BIRC2: variants seen among roughly 807,000 people sequenced by gnomAD.
BIRC2 encodes baculoviral IAP repeat containing 2, also known as baculoviral IAP repeat-containing protein 2.
BIRC2 carries 18 observed loss-of-function variants against 60.9 expected under a neutral mutation model. The ratio of observed to expected loss-of-function variants is 0.30; its 90% confidence interval spans 0.20 to 0.44. The LOEUF is 0.44. BIRC2 is among the 20% of genes least tolerant of loss of function. BIRC2 has a pLI of 1.00. For synonymous variants in BIRC2, 282 were observed against 247.7 expected (o/e 1.14, Z -1.30); for missense variants, 701 against 728.5 (o/e 0.96, Z 0.43).
In BIRC2 at chr11:102,348,486, TATC is replaced by T. The variant is rs573527588; in HGVS notation, c.-1257-111_-1257-109del. The T allele has an allele frequency of 8.1e-4, 130 of 160,982 alleles. No homozygotes were observed. In the South Asian group the frequency reaches 0.011, roughly 14 times the overall value. The allele number at this position is 160,982 out of a possible 1,614,324, so 10.0% of individuals were successfully genotyped here. A position where few individuals can be genotyped will look rare whatever the true frequency, so the allele number is the denominator to read the frequency against. On this transcript the variant is annotated intron_variant, in intron 1 of 8. Transcript: ENST00000227758. ...ACAAATTGCTGGAATTAAGATGTAT[TATC>T]TAAAGTGTGAATTATTCTTAGACTT... is the stretch of plus-strand genomic sequence containing the variant.
At chr11:102,353,444 G>A (rs762356429) in intron 3 of BIRC2, among the ~76,000 whole-genome samples, 2 of 151,836 alleles carry the variant, frequency 1.3e-5, no homozygotes, top group African/African-American at 2.4e-5. Flanking sequence ...TCAGCCCCCC[G>A]AGTAGCTGGA....
intron 6 of BIRC2, among the ~76,000 whole-genome samples, chr11:102,372,183 A>C (rs921594684): frequency 2.0e-5 from 3 of 151,792 alleles, no homozygotes; most frequent in African/African-American, 7.3e-5. Context: ...TTCTGCTCTG[A>C]TCTTAGTTAT....
intron 3 of BIRC2, among the ~76,000 whole-genome samples, chr11:102,357,797 TC>T (rs1176754805): frequency 2.6e-5 from 4 of 152,264 alleles, no homozygotes; most frequent in African/African-American, 4.8e-5. Flanking sequence ...GTTATTTCCT[TC>T]TGCTAACTTT....
chr11:102,364,462 G>A (rs1402361862), intron 5 of BIRC2, among the ~76,000 whole-genome samples: 2 of 152,116 alleles, frequency 1.3e-5, no homozygotes, highest in Non-Finnish European at 2.9e-5. Context: ...TGGACTAGAT[G>A]TTAGGTATTT....
chr11:102,372,765 GGT>G (rs1565338529), intron 6 of BIRC2, among the ~76,000 whole-genome samples: 31 of 124,976 alleles, frequency 2.5e-4, no homozygotes, highest in African/African-American at 9.4e-4. Context: ...TTGACAGTGG[GGT>G]GTTAAAGTCT....
In BIRC2 at chr11:102,350,008, A is replaced by G. The variant is rs1201603026; in HGVS notation, c.154A>G (p.Thr52Ala). 3 of 1,614,250 alleles carry G rather than the reference A, an allele frequency of 1.9e-6. No individual in the cohort carries two copies. Among genetic ancestry groups the G allele is most frequent in the Non-Finnish European group, 2.5e-6 (3 of 1,180,046 alleles). Residue 52 changes from threonine (T) to alanine (A), a missense_variant, in exon 2 of 9, where the codon ACA becomes GCA. This residue lies in a region of BIRC2 where 375 missense variants were observed against 365.9 expected (regional missense o/e 1.02). Transcript: ENST00000227758. ...DFSCELYRMSTYSTFPAGVPV... is the reference protein window; with the variant it reads ...DFSCELYRMSAYSTFPAGVPV... ...TTCCTGTGAACTCTACAGAATGTCTACATATTCAACTTTCCCCGCCGGGGT... is the reference window on the plus strand; with the variant it reads ...TTCCTGTGAACTCTACAGAATGTCTGCATATTCAACTTTCCCCGCCGGGGT...
chr11:102,351,381 G>T (rs111835367), intron 3 of BIRC2, among the ~76,000 whole-genome samples: 1 of 152,082 alleles, frequency 6.6e-6, no homozygotes, highest in East Asian at 1.9e-4. Flanking sequence ...TTGGGAGGCC[G>T]AGATAGGTGG....
intron 3 of BIRC2, among the ~76,000 whole-genome samples, chr11:102,358,813 T>A (rs1951452794): frequency 6.6e-6 from 1 of 152,218 alleles, no homozygotes; most frequent in Admixed American, 6.5e-5. Flanking sequence ...GGTTTCCATT[T>A]GCATGGAATA....
chr11:102,363,056 A>C, intron 4 of BIRC2, 82 bp downstream of exon 4: 1 of 1,116,710 alleles, frequency 9.0e-7, no homozygotes, highest in Non-Finnish European at 1.3e-6. Flanking sequence ...AAAAGTGATC[A>C]TGATTTTTGC....
rs532632806 is a variant in BIRC2, at chr11:102,378,321, T to C, written c.*138T>C. On this transcript the variant is annotated 3_prime_UTR_variant, in exon 9 of 9. Coordinates refer to ENST00000227758, the MANE Select transcript of BIRC2 (RefSeq NM_001166.5). ...ATGTTCTAGTCTGCTTTGGTACTAA[T>C]AATCTTGTTTCTGAAAAGATGGTAT... The C allele has an allele frequency of 4.9e-5, 31 of 638,736 alleles. No individual in the cohort carries two copies. In the East Asian group the frequency reaches 7.1e-4, roughly 15 times the overall value. 39.6% of individuals were successfully genotyped at this position (638,736 alleles called of 1,614,324 possible).
At chr11:102,357,263 C>T (rs531683222) in intron 3 of BIRC2, among the ~76,000 whole-genome samples, 22 of 151,550 alleles carry the variant, frequency 1.5e-4, no homozygotes, top group Middle Eastern at 6.8e-3. Flanking sequence ...TCCCTCCTTA[C>T]TCCCTCTTCC....
At chr11:102,377,156 T>C (rs1951724714) in intron 6 of BIRC2, among the ~76,000 whole-genome samples, 1 of 152,178 alleles carries the variant, frequency 6.6e-6, no homozygotes, top group Non-Finnish European at 1.5e-5. Context: ...GACAAATTAC[T>C]ATGAAAGTGC....
intron 3 of BIRC2, among the ~76,000 whole-genome samples, chr11:102,360,299 G>A (rs1258661367): frequency 1.3e-5 from 2 of 151,844 alleles, no homozygotes; most frequent in Non-Finnish European, 1.5e-5. Context: ...TGTTTTGCTT[G>A]ATGGTGTCCT....
intron 4 of BIRC2, 55 bp from the exon 5 acceptor site, chr11:102,363,613 T>C (rs1951509898): frequency 1.5e-6 from 2 of 1,373,150 alleles, no homozygotes; most frequent in South Asian, 1.2e-5. Context: ...TGTTGTTCTT[T>C]TCAGATTGTT....
chr11:102,358,602 A>T (rs1335788683), intron 3 of BIRC2, among the ~76,000 whole-genome samples: 5 of 152,136 alleles, frequency 3.3e-5, no homozygotes, highest in African/African-American at 1.2e-4. Context: ...ACTATCTATT[A>T]ATGTCTTCAG....
intron 6 of BIRC2, among the ~76,000 whole-genome samples, chr11:102,370,546 C>T (rs996759184): frequency 4.8e-5 from 7 of 145,184 alleles, no homozygotes; most frequent in Non-Finnish European, 1.1e-4. Flanking sequence ...TGTACCAGTA[C>T]CATGCTGTTT....
chr11:102,377,617 T>G lies in BIRC2; in HGVS notation c.1488T>G (p.Ile496Met). 6.2e-7 allele frequency: 1 copy of G among 1,611,732 alleles called. No individual in the cohort carries two copies. The highest frequency in any genetic ancestry group is 8.5e-7 in the Non-Finnish European group (1 of 1,179,348). ...NVINKQEHDI[I>M]KQKTQIPLQA... ...TTAATAAACAGGAACATGATATTAT[T>G]AAACAAAAAACACAGATACCTTTAC... Residue 496 changes from isoleucine (I) to methionine (M), a missense_variant, in exon 7 of 9, where the codon ATT becomes ATG. Ile to Met is a conservative substitution (Grantham distance 10, BLOSUM62 1). Transcript: ENST00000227758.
At chr11:102,354,638 G>A (rs77741167) in intron 3 of BIRC2, among the ~76,000 whole-genome samples, 2,278 of 152,304 alleles carry the variant, frequency 0.015, 22 homozygotes, top group Non-Finnish European at 0.024. Flanking sequence ...TAGATCATAT[G>A]CTAATTCTAT....
chr11:102,376,536 T>G (rs1367282254), intron 6 of BIRC2, among the ~76,000 whole-genome samples: 2 of 152,336 alleles, frequency 1.3e-5, no homozygotes, highest in South Asian at 4.1e-4. Flanking sequence ...GATGTACTTT[T>G]TAAATTTTTT....
Sources: gnomAD v4.1 joint callset for allele counts (sites outside exome capture counted in the v4.1 genomes callset) on GRCh38, gnomAD v4.1.1 for gene constraint, gnomAD v4.1.1 regional missense constraint, MANE v1.5 for transcripts, NCBI Gene and HGNC (gene_info 2026-07-23, HGNC 2026-07-21) for gene names.